NRG3: variants seen among roughly 807,000 people sequenced by gnomAD.
NRG3 encodes the protein neuregulin 3, also known as pro-neuregulin-3, membrane-bound isoform.
NRG3 carries 31 observed loss-of-function variants against 66.9 expected under a neutral mutation model. The observed-to-expected ratio is 0.46, with a 90% CI of 0.35 to 0.63. NRG3 has a LOEUF of 0.63. NRG3 is among the 20% of genes least tolerant of loss of function. The pLI, the probability that NRG3 is intolerant of heterozygous loss-of-function variation, is 0.00. For synonymous variants in NRG3, 393 were observed against 359.4 expected (o/e 1.09, Z -1.06); for missense variants, 910 against 878.9 (o/e 1.04, Z -0.45).
intron 1 of NRG3, among the ~76,000 whole-genome samples, chr10:82,172,250 TAAAC>T (rs1013984722): frequency 1.7e-4 from 26 of 152,124 alleles, no homozygotes; most frequent in African/African-American, 6.0e-4. Flanking sequence ...GGACAACTAA[TAAAC>T]AAAGAGAATT....
rs769820801 is a variant in NRG3, at chr10:82,261,259, C to T, written c.824-97480C>T. 3.9e-5 allele frequency among the ~76,000 whole-genome samples: 6 copies of T among 152,070 alleles called. No individual in the cohort carries two copies. The South Asian group carries it at 6.2e-4, about 16-fold the overall frequency. ...TGAGATCTGATGGTTTTATAAGGGGCGCCACCCGCTTCACTCATTCACTCT... is the reference window on the plus strand; with the variant it reads ...TGAGATCTGATGGTTTTATAAGGGGTGCCACCCGCTTCACTCATTCACTCT... On this transcript the variant is annotated intron_variant, in intron 1 of 8. Coordinates refer to ENST00000372141, the MANE Select transcript of NRG3 (RefSeq NM_001010848.4).
At chr10:82,738,929 C>T (rs2058287608) in intron 3 of NRG3, among the ~76,000 whole-genome samples, 1 of 152,110 alleles carries the variant, frequency 6.6e-6, no homozygotes, top group Non-Finnish European at 1.5e-5. Context: ...TGCCCAGCCA[C>T]GTACCACCTC....
chr10:82,770,822 C>A (rs2135169495), intron 3 of NRG3, among the ~76,000 whole-genome samples: 1 of 152,084 alleles, frequency 6.6e-6, no homozygotes, highest in South Asian at 2.1e-4. Context: ...TTTTGGGTGT[C>A]TTGGACAAGG....
At chr10:82,091,744 C>T (rs143984333) in intron 1 of NRG3, among the ~76,000 whole-genome samples, 1 of 152,250 alleles carries the variant, frequency 6.6e-6, no homozygotes, top group Non-Finnish European at 1.5e-5. Flanking sequence ...ATGCTGTTTC[C>T]ACAGCAGCTG....
intron 1 of NRG3, among the ~76,000 whole-genome samples, chr10:82,157,944 A>T (rs1348381632): frequency 6.6e-6 from 1 of 151,698 alleles, no homozygotes; most frequent in South Asian, 2.1e-4. Flanking sequence ...AATGTGCATG[A>T]TACTGAATGT....
intron 2 of NRG3, among the ~76,000 whole-genome samples, chr10:82,668,382 T>C (rs2052973427): frequency 6.6e-6 from 1 of 152,194 alleles, no homozygotes; most frequent in South Asian, 2.1e-4. Context: ...AGATTCTATA[T>C]TTTTAATGTA....
intron 1 of NRG3, among the ~76,000 whole-genome samples, chr10:82,121,022 C>T (rs1221925916): frequency 6.6e-6 from 1 of 152,130 alleles, no homozygotes; most frequent in Non-Finnish European, 1.5e-5. Flanking sequence ...AGTGTACCTA[C>T]AGCATCCCCA....
intron 4 of NRG3, among the ~76,000 whole-genome samples, chr10:82,896,139 A>G (rs774319959): frequency 6.6e-6 from 1 of 152,238 alleles, no homozygotes; most frequent in Non-Finnish European, 1.5e-5. Context: ...TACAGTTTAC[A>G]TGATGAAAGG....
In NRG3 at chr10:82,985,802, A is replaced by G; in HGVS notation, c.*197A>G. On this transcript the variant is annotated 3_prime_UTR_variant, in exon 9 of 9. Coordinates refer to ENST00000372141, the MANE Select transcript of NRG3 (RefSeq NM_001010848.4). ...AAATGTTTCAGGAGGGATAAAGCTT[A>G]CCATTAAAGCTTTTGGGTAGAATTC... is the stretch of plus-strand genomic sequence containing the variant. 1 of 599,930 alleles carries G rather than the reference A, an allele frequency of 1.7e-6. No individual in the cohort carries two copies. The highest frequency in any genetic ancestry group is 2.8e-6 in the Non-Finnish European group (1 of 355,912). 37.2% of individuals were successfully genotyped at this position (599,930 alleles called of 1,614,324 possible). A position where few individuals can be genotyped will look rare whatever the true frequency, so the allele number is the denominator to read the frequency against.
chr10:82,057,967 T>C (rs893814214), intron 1 of NRG3, among the ~76,000 whole-genome samples: 1 of 64,674 alleles, frequency 1.5e-5, no homozygotes, highest in African/African-American at 7.5e-5. Flanking sequence ...TCTCTTTCTT[T>C]CCTTTCTTTT....
intron 1 of NRG3, among the ~76,000 whole-genome samples, chr10:82,238,919 T>TATATATATATATATATATATATACACAC (rs372472574): frequency 4.2e-5 from 6 of 142,140 alleles, no homozygotes; most frequent in African/African-American, 1.6e-4. Context: ...ACCGTATATA[T>TATATATATATATATATATATATACACAC]ATATATATAA....
chr10:82,366,891 T>G (rs1297906491), intron 2 of NRG3, among the ~76,000 whole-genome samples: 1 of 152,168 alleles, frequency 6.6e-6, no homozygotes, highest in Non-Finnish European at 1.5e-5. Flanking sequence ...CTTAATGGCA[T>G]AAAATAAAAA....
chr10:82,401,636 A>C (rs2087114350), intron 2 of NRG3, among the ~76,000 whole-genome samples: 1 of 152,086 alleles, frequency 6.6e-6, no homozygotes, highest in Non-Finnish European at 1.5e-5. Context: ...TTGTTAGTAA[A>C]ATTTTTAATA....
intron 1 of NRG3, among the ~76,000 whole-genome samples, chr10:82,199,455 G>A (rs748063546): frequency 2.0e-5 from 3 of 152,140 alleles, no homozygotes; most frequent in Non-Finnish European, 4.4e-5. Flanking sequence ...TTAAATACCA[G>A]ATAGGTTGGG....
chr10:82,865,112 TC>T (rs2135945828), intron 3 of NRG3, among the ~76,000 whole-genome samples: 1 of 152,326 alleles, frequency 6.6e-6, no homozygotes, highest in African/African-American at 2.4e-5. Flanking sequence ...TAACAATTTT[TC>T]TTTTTCTTTC....
At chr10:82,906,126 C>T (rs1282818268) in intron 4 of NRG3, among the ~76,000 whole-genome samples, 1 of 152,196 alleles carries the variant, frequency 6.6e-6, no homozygotes, top group African/African-American at 2.4e-5. Flanking sequence ...TCTGACTCCA[C>T]TGAGCTCCCA....
chr10:82,047,638 G>C (rs549125239), intron 1 of NRG3, among the ~76,000 whole-genome samples: 1 of 151,704 alleles, frequency 6.6e-6, no homozygotes, highest in African/African-American at 2.4e-5. Flanking sequence ...ACCAGCTGCC[G>C]CAAAATCATG....
intron 2 of NRG3, among the ~76,000 whole-genome samples, chr10:82,405,500 G>T (rs1351160111): frequency 7.3e-6 from 1 of 137,794 alleles, no homozygotes; most frequent in African/African-American, 2.9e-5. Context: ...TGTAGCCCAG[G>T]CTGGAGTGTG....
chr10:82,614,325 A>G (rs1320304849), intron 2 of NRG3, among the ~76,000 whole-genome samples: 1 of 152,204 alleles, frequency 6.6e-6, no homozygotes, highest in Admixed American at 6.5e-5. Context: ...AATGAGTTTG[A>G]CATGGTTATG....
Sources: allele counts gnomAD v4.1 joint callset (sites outside exome capture counted in the v4.1 genomes callset), GRCh38; gene constraint gnomAD v4.1.1; transcripts MANE v1.5; gene names NCBI Gene and HGNC (gene_info 2026-07-23, HGNC 2026-07-21).